ZNF367: variants seen among roughly 807,000 people sequenced by gnomAD.
ZNF367 encodes the protein C2H2 zinc finger protein ZFF29.
A neutral mutation model predicts 31.8 loss-of-function variants in ZNF367; 11 were observed. The observed-to-expected ratio is 0.35, with a 90% CI of 0.22 to 0.57. ZNF367 has a LOEUF of 0.57. Ranked by LOEUF, ZNF367 falls within the 20% of genes least tolerant of loss-of-function variation. The probability of loss-of-function intolerance (pLI) is 0.85; values close to 1 mark genes in which losing one functional copy is unlikely to be tolerated. For synonymous variants in ZNF367, 199 were observed against 202.4 expected, an observed-to-expected ratio of 0.98 and a Z score of 0.14; for missense variants, 353 against 484.1, an observed-to-expected ratio of 0.73 and a Z score of 2.54.
chr9:96,397,840 C>T (rs552416835), intron 2 of ZNF367, among the ~76,000 whole-genome samples: 76 of 152,042 alleles, frequency 5.0e-4, no homozygotes, highest in Non-Finnish European at 8.8e-4. Flanking sequence ...GCCTGTAATC[C>T]CAGCACTTTG....
rs143510605 is a variant in ZNF367, at chr9:96,402,357, T to TC, written c.421-4044dup. On this transcript the variant is annotated intron_variant, in intron 1 of 4. Coordinates refer to ENST00000375256, the MANE Select transcript of ZNF367 (RefSeq NM_153695.4). ...TATATATACACCTAAGAACAGAGCC[T>TC]CCTGCAAAAGGTGACAGAATTAAAA... Among the ~76,000 whole-genome samples, 372 of 151,466 alleles carry TC rather than the reference T, an allele frequency of 2.5e-3. 1 individual carries two copies. The highest frequency in any genetic ancestry group is 8.5e-3 in the African/African-American group (351 of 41,334).
chr9:96,399,099 G>A (rs1831568374), intron 1 of ZNF367, among the ~76,000 whole-genome samples: 1 of 152,128 alleles, frequency 6.6e-6, no homozygotes, highest in Admixed American at 6.6e-5. Flanking sequence ...ATTCAACAAT[G>A]TCCACTTATA....
chr9:96,407,378 C>T, intron 1 of ZNF367: 1 of 1,529,516 alleles, frequency 6.5e-7, no homozygotes, highest in African/African-American at 1.4e-5. Context: ...AGTCGAGAGG[C>T]TCATGAACGT....
At chr9:96,399,962 A>G (rs188659566) in intron 1 of ZNF367, among the ~76,000 whole-genome samples, 139 of 152,302 alleles carry the variant, frequency 9.1e-4, no homozygotes, top group African/African-American at 3.3e-3. Flanking sequence ...CAAACAACAA[A>G]AACTCAGAAG....
intron 1 of ZNF367, among the ~76,000 whole-genome samples, chr9:96,405,819 CA>C (rs1211746728): frequency 2.6e-5 from 4 of 152,150 alleles, no homozygotes; most frequent in Non-Finnish European, 5.9e-5. Context: ...CGTGGTCTAA[CA>C]GATCAAGTTT....
At chr9:96,405,637 A>G (rs6479312) in intron 1 of ZNF367, among the ~76,000 whole-genome samples, 44,240 of 152,008 alleles carry the variant, frequency 0.29, 8,762 homozygotes, top group African/African-American at 0.57. Context: ...AAAATAATAT[A>G]TGCTACAAAG....
At chr9:96,402,724 G>A (rs10990955) in intron 1 of ZNF367, among the ~76,000 whole-genome samples, 36,013 of 148,884 alleles carry the variant, frequency 0.24, 5,991 homozygotes, top group African/African-American at 0.48. Context: ...CGCCCACCTC[G>A]GCCTCCCGGA....
At chr9:96,411,774 A>C (rs189443472) in intron 1 of ZNF367, among the ~76,000 whole-genome samples, 4 of 152,242 alleles carry the variant, frequency 2.6e-5, no homozygotes, top group African/African-American at 9.6e-5. Flanking sequence ...ATAATACAAC[A>C]TACTGGCCAT....
chr9:96,394,085 A>G (rs1171644368), intron 3 of ZNF367, among the ~76,000 whole-genome samples: 1 of 152,260 alleles, frequency 6.6e-6, no homozygotes, highest in East Asian at 1.9e-4. Context: ...TTAATAATTA[A>G]AAAGTTTAAA....
rs568620152 is a variant in ZNF367, at chr9:96,414,723, G to C, written c.420+2890C>G. Among the ~76,000 whole-genome samples, 81 of 152,252 alleles carry C rather than the reference G, an allele frequency of 5.3e-4. 1 individual carries two copies. The South Asian group carries it at 0.012, about 22-fold the overall frequency. Reference sequence around the variant, plus strand: ...GATCTCTTGACCTCGTGACCAGCCAGCCTCGGCCTCCCAAAGTGCTGGGAT... The same window carrying C: ...GATCTCTTGACCTCGTGACCAGCCACCCTCGGCCTCCCAAAGTGCTGGGAT... On this transcript the variant is annotated intron_variant, in intron 1 of 4. Transcript: ENST00000375256.
At chr9:96,394,715 T>C (rs1203030329) in intron 3 of ZNF367, 108 bp downstream of exon 3, 2 of 1,048,806 alleles carry the variant, frequency 1.9e-6, no homozygotes, top group East Asian at 5.5e-5. Context: ...TAAAGTTTTA[T>C]AAAATTTATA....
chr9:96,414,055 A>T (rs373332677), intron 1 of ZNF367, among the ~76,000 whole-genome samples: 6 of 152,222 alleles, frequency 3.9e-5, no homozygotes, highest in African/African-American at 1.4e-4. Flanking sequence ...CAAGTACTTT[A>T]AAGAAGCAAA....
intron 1 of ZNF367, chr9:96,407,832 C>A: frequency 2.4e-6 from 2 of 831,802 alleles, no homozygotes; most frequent in South Asian, 2.0e-5. Flanking sequence ...CCAGGATGGT[C>A]TCGATCTCTC....
At chr9:96,407,614 CG>C in intron 1 of ZNF367, 1 of 1,465,550 alleles carries the variant, frequency 6.8e-7, no homozygotes, top group Admixed American at 1.7e-5. Context: ...TAAACAGAAA[CG>C]AAAAGAGAAG....
intron 1 of ZNF367, among the ~76,000 whole-genome samples, chr9:96,403,936 G>A (rs1362229494): frequency 6.6e-6 from 1 of 152,208 alleles, no homozygotes; most frequent in Non-Finnish European, 1.5e-5. Flanking sequence ...GCCCATGCCT[G>A]TAATCCCAGC....
At chr9:96,392,578 C>T (rs1831484857) in intron 3 of ZNF367, 42 bp from the exon 4 acceptor site, 1 of 1,559,878 alleles carries the variant, frequency 6.4e-7, no homozygotes, top group South Asian at 1.2e-5. Context: ...TCTGGACATC[C>T]AGCACATAGA....
At position 96,402,619 on chromosome 9, in the gene ZNF367, A is replaced by ATTT. The variant is rs61651699; in HGVS notation, c.421-4308_421-4306dup. On this transcript the variant is annotated intron_variant, in intron 1 of 4. Transcript: ENST00000375256. ...AAGTGCCCACCACCACGCCTGGCTAATTTTTTTTTTTTTTTTTTTTTTTTT... is the reference window on the plus strand; with the variant it reads ...AAGTGCCCACCACCACGCCTGGCTAATTTTTTTTTTTTTTTTTTTTTTTTTTTT... 2.1e-4 allele frequency among the ~76,000 whole-genome samples: 15 copies of ATTT among 70,200 alleles called. 1 individual carries two copies. Among genetic ancestry groups the ATTT allele is most frequent in the African/African-American group, 5.2e-4 (8 of 15,412 alleles). 46.1% of individuals were successfully genotyped at this position (70,200 alleles called of 152,430 possible). A position where few individuals can be genotyped will look rare whatever the true frequency, so the allele number is the denominator to read the frequency against.
chr9:96,398,937 A>G (rs1050938635), intron 1 of ZNF367, among the ~76,000 whole-genome samples: 6 of 152,216 alleles, frequency 3.9e-5, no homozygotes, highest in African/African-American at 1.4e-4. Flanking sequence ...GGAACAGGGC[A>G]GAGAGGTGTC....
rs978433735 is a variant in ZNF367, at chr9:96,387,982, A to G, written c.*255T>C. On this transcript the variant is annotated 3_prime_UTR_variant, in exon 5 of 5. Transcript: ENST00000375256. ...TTAAACTTGCAAAATCTAGCTTCCC[A>G]CAATATGTAGTTTTCTACCCTGTAC... The G allele has an allele frequency of 5.2e-6, 2 of 383,806 alleles. No individual in the cohort carries two copies. The highest frequency in any genetic ancestry group is 4.1e-5 in the African/African-American group (2 of 48,384). The allele number at this position is 383,806 out of a possible 1,614,324, so 23.8% of individuals were successfully genotyped here. A position where few individuals can be genotyped will look rare whatever the true frequency, so the allele number is the denominator to read the frequency against.
Sources: allele counts gnomAD v4.1 joint callset (sites outside exome capture counted in the v4.1 genomes callset), GRCh38; gene constraint gnomAD v4.1.1; transcripts MANE v1.5; gene names NCBI Gene and HGNC (gene_info 2026-07-23, HGNC 2026-07-21).